APPBP2: variants seen among roughly 807,000 people sequenced by gnomAD.
APPBP2 encodes amyloid protein-binding protein 2.
Under a neutral mutation model 76.0 loss-of-function variants are expected in APPBP2, and 15 were observed. That is an observed-to-expected ratio of 0.20 (90% CI 0.13 to 0.30). The LOEUF (loss-of-function observed/expected upper bound fraction) is 0.30. Ranked by LOEUF, APPBP2 falls within the 10% of genes least tolerant of loss-of-function variation. APPBP2 has a pLI of 1.00. For synonymous variants in APPBP2, 222 were observed against 242.2 expected, an observed-to-expected ratio of 0.92 and a Z score of 0.77; for missense variants, 401 against 687.2, an observed-to-expected ratio of 0.58 and a Z score of 4.66.
chr17:60,515,259 G>C (rs1051764502), intron 1 of APPBP2, among the ~76,000 whole-genome samples: 2 of 151,570 alleles, frequency 1.3e-5, no homozygotes, highest in African/African-American at 4.9e-5. Context: ...GGGATTATAG[G>C]CACCAGCCAC....
In APPBP2 at chr17:60,460,797, T is replaced by C. The variant is rs777209805; in HGVS notation, c.937-10A>G. 2 of 1,608,784 alleles carry C rather than the reference T, an allele frequency of 1.2e-6. No homozygotes were observed. The highest frequency in any genetic ancestry group is 1.3e-5 in the African/African-American group (1 of 74,578). ...TAATGTCAAGGGCTGCCTGAAAGAATCATAAAAATATTTGTCAATACTGTA... is the reference window on the plus strand; with the variant it reads ...TAATGTCAAGGGCTGCCTGAAAGAACCATAAAAATATTTGTCAATACTGTA... On this transcript the variant is annotated splice_polypyrimidine_tract_variant and intron_variant, in intron 8 of 12. Transcript: ENST00000083182.
intron 3 of APPBP2, among the ~76,000 whole-genome samples, chr17:60,492,262 G>A (rs1334803832): frequency 6.6e-6 from 1 of 152,190 alleles, no homozygotes; most frequent in Non-Finnish European, 1.5e-5. Flanking sequence ...GCAGGGTGAG[G>A]TCCTCATGAA....
At chr17:60,483,276 TTTGA>T (rs2090645860) in intron 3 of APPBP2, among the ~76,000 whole-genome samples, 1 of 151,860 alleles carries the variant, frequency 6.6e-6, no homozygotes, top group Admixed American at 6.5e-5. Flanking sequence ...GATGGGGTTG[TTTGA>T]TTTTTTCTTG....
intron 5 of APPBP2, chr17:60,465,094 T>A (rs1162067877): frequency 6.6e-6 from 1 of 152,210 alleles, no homozygotes; most frequent in Non-Finnish European, 1.5e-5. Context: ...AATTAAAATA[T>A]GAGAAGTGAA....
rs2090339047 is a variant in APPBP2 at position 60,445,558 on chromosome 17, T to C, written c.*2023A>G. The C allele has an allele frequency of 6.6e-6, 1 of 152,622 alleles. No homozygotes were observed. The highest frequency in any genetic ancestry group is 2.4e-5 in the African/African-American group (1 of 41,448). 9.5% of individuals were successfully genotyped at this position (152,622 alleles called of 1,614,324 possible). On this transcript the variant is annotated 3_prime_UTR_variant, in exon 13 of 13. Coordinates refer to ENST00000083182, the MANE Select transcript of APPBP2 (RefSeq NM_006380.5). ...GGATTCTAAATAACCAATAAAAGTA[T>C]ACAAAGCCTATCCTGAAAATATCTT...
intron 11 of APPBP2, among the ~76,000 whole-genome samples, chr17:60,453,895 T>C (rs77310930): frequency 0.014 from 2,058 of 151,154 alleles, 20 homozygotes; most frequent in Non-Finnish European, 0.018. Context: ...GTTTTAGAGA[T>C]AGGGTCTCAC....
intron 8 of APPBP2, chr17:60,461,028 A>G (rs1415755447): frequency 1.3e-5 from 3 of 225,808 alleles, no homozygotes; most frequent in East Asian, 1.8e-4. Flanking sequence ...AATCATTCCT[A>G]TGTCTTGAGA....
At position 60,447,773 on chromosome 17, in the gene APPBP2, T is replaced by A; in HGVS notation, c.1566A>T (p.Lys522Asn). The change falls in exon 13 of 13, where the codon AAA (lysine) becomes AAT (asparagine). Residue 522 changes from lysine to asparagine, a missense_variant. Physicochemically the swap from Lys to Asn is moderately conservative, Grantham distance 94. This residue lies in a region of APPBP2 where 56 missense variants were observed against 76.5 expected (regional missense o/e 0.73). Transcript: ENST00000083182. Reference sequence around the variant, plus strand: ...CGTAATTTCCAATGGAGTTGTAAAGTTTAATGAGACCTCGATAATCATATT... The same window carrying A: ...CGTAATTTCCAATGGAGTTGTAAAGATTAATGAGACCTCGATAATCATATT... ...GLEYDYRGLI[K>N]LYNSIGNYEK... 6.2e-7 allele frequency: 1 copy of A among 1,613,968 alleles called. No homozygotes were observed. Among genetic ancestry groups the A allele is most frequent in the Middle Eastern group, 1.7e-4 (1 of 6,006 alleles).
intron 9 of APPBP2, chr17:60,460,080 T>C (rs1218211046): frequency 1.3e-5 from 2 of 152,394 alleles, no homozygotes; most frequent in East Asian, 3.9e-4. Context: ...AGTTTGCTAC[T>C]GTATTACTCA....
intron 5 of APPBP2, 91 bp from the exon 6 acceptor site, chr17:60,464,201 C>A: frequency 1.2e-6 from 1 of 859,048 alleles, no homozygotes; most frequent in Non-Finnish European, 1.9e-6. Context: ...TCTACAAGCA[C>A]TTAAATAAGA....
At chr17:60,512,943 A>C (rs1244257758) in intron 1 of APPBP2, among the ~76,000 whole-genome samples, 2 of 148,384 alleles carry the variant, frequency 1.3e-5, no homozygotes, top group Non-Finnish European at 3.0e-5. Context: ...ACTTAAAAAA[A>C]AAATTTTTCT....
At chr17:60,500,515 A>T (rs752172670) in intron 1 of APPBP2, 28 bp from the exon 2 acceptor site, 15 of 1,534,230 alleles carry the variant, frequency 9.8e-6, no homozygotes, top group Non-Finnish European at 1.2e-5. Context: ...TGATTTAAAA[A>T]TTTTGCAATT....
At chr17:60,448,452 G>GT (rs900357314) in intron 12 of APPBP2, among the ~76,000 whole-genome samples, 1 of 152,242 alleles carries the variant, frequency 6.6e-6, no homozygotes, top group Admixed American at 6.5e-5. Flanking sequence ...GACAGAGAGA[G>GT]ACTCCGTCTC....
At chr17:60,474,755 C>G (rs889933243) in intron 4 of APPBP2, among the ~76,000 whole-genome samples, 1 of 151,506 alleles carries the variant, frequency 6.6e-6, no homozygotes, top group Non-Finnish European at 1.5e-5. Flanking sequence ...GAAAAGAATC[C>G]TCATTTAAGG....
Position 60,447,648 on chromosome 17 carries a change from G to A in APPBP2, c.1691C>T (p.Pro564Leu), listed in dbSNP as rs778441491. 1 of 1,613,950 alleles carries A rather than the reference G, an allele frequency of 6.2e-7. No individual in the cohort carries two copies. The highest frequency in any genetic ancestry group is 1.3e-5 in the African/African-American group (1 of 74,906). Residue 564 changes from proline (P) to leucine (L), a missense_variant, in exon 13 of 13, where the codon CCC becomes CTC. Physicochemically the swap from Pro to Leu is moderately conservative, Grantham distance 98 (BLOSUM62 -3). Coordinates refer to ENST00000083182, the MANE Select transcript of APPBP2 (RefSeq NM_006380.5). ...CTGCACCACTTCTTCAGTGGACTGG[G>A]GGCTGGTGCTGACATCTTCAAGAGC... is the stretch of plus-strand genomic sequence containing the variant. ...TDALEDVSTS[P>L]QSTEEVVQSF...
chr17:60,452,276 A>C (rs188883909), intron 11 of APPBP2, among the ~76,000 whole-genome samples: 3 of 152,252 alleles, frequency 2.0e-5, no homozygotes, highest in African/African-American at 7.2e-5. Flanking sequence ...AAAAGTAACA[A>C]GTGAAAACTT....
At position 60,466,465 on chromosome 17, in the gene APPBP2, A is replaced by C. The variant is rs185333131; in HGVS notation, c.504-6T>G. On this transcript the variant is annotated splice_polypyrimidine_tract_variant and splice_region_variant and intron_variant, in intron 4 of 12. Coordinates refer to ENST00000083182, the MANE Select transcript of APPBP2 (RefSeq NM_006380.5). ...CATTTCGCACATGAAGCAACCTATA[A>C]AACACCAATAACATTGCTCTATTTT... is the stretch of plus-strand genomic sequence containing the variant. The C allele has an allele frequency of 3.2e-5, 52 of 1,609,622 alleles. 1 individual carries two copies. The Admixed American group carries it at 8.0e-4, about 25-fold the overall frequency.
At chr17:60,481,516 T>G (rs1010707894) in intron 3 of APPBP2, among the ~76,000 whole-genome samples, 1 of 152,204 alleles carries the variant, frequency 6.6e-6, no homozygotes, top group Non-Finnish European at 1.5e-5. Context: ...ATCCACATCT[T>G]GTTGAGAAGG....
rs2090635760 is a variant in APPBP2, at chr17:60,482,251, C to T, written c.380-2980G>A. 2.0e-5 allele frequency among the ~76,000 whole-genome samples: 3 copies of T among 152,122 alleles called. No individual in the cohort carries two copies. In the South Asian group the frequency reaches 6.2e-4, roughly 32 times the overall value. On this transcript the variant is annotated intron_variant, in intron 3 of 12. Transcript: ENST00000083182. ...TTGACTATAAGCATCAAATTAAATA[C>T]TTATAAACAAGAAATAAATGAATCC...
Sources: allele counts gnomAD v4.1 joint callset (sites outside exome capture counted in the v4.1 genomes callset), GRCh38; gene constraint gnomAD v4.1.1; regional missense constraint gnomAD v4.1.1; transcripts MANE v1.5; gene names NCBI Gene and HGNC (gene_info 2026-07-23, HGNC 2026-07-21).